Variants in HPD observed in about 807,000 individuals in gnomAD.
The protein encoded by HPD is 4-hydroxyphenylpyruvate dioxygenase.
HPD carries 35 observed loss-of-function variants against 56.9 expected under a neutral mutation model. That is an observed-to-expected ratio of 0.62 (90% CI 0.47 to 0.82). The LOEUF is 0.82. HPD is among the 40% of genes least tolerant of loss of function. The pLI is 0.00. For synonymous variants in HPD, 186 were observed against 200.2 expected, an observed-to-expected ratio of 0.93 and a Z score of 0.60; for missense variants, 442 against 506.8, an observed-to-expected ratio of 0.87 and a Z score of 1.23.
chr12:121,880,680 C>G, the HPD span, among the ~76,000 whole-genome samples: 3 of 152,128 alleles, frequency 2.0e-5, no homozygotes, highest in Non-Finnish European at 4.4e-5. Flanking sequence ...TTTGTAGAGA[C>G]AGAGTCTTGT....
the HPD span, among the ~76,000 whole-genome samples, chr12:121,882,126 A>C: frequency 8.6e-5 from 13 of 151,964 alleles, no homozygotes; most frequent in African/African-American, 3.1e-4. Flanking sequence ...TTAGGGGGCC[A>C]ACTCATGAGC....
rs765840049 is a variant in HPD, at chr12:121,846,896, T to C, written c.797A>G (p.His266Arg). The C allele has an allele frequency of 2.5e-6, 4 of 1,614,038 alleles. No homozygotes were observed. The African/African-American group carries it at 5.3e-5, about 22-fold the overall frequency. ...VDYNGGAGVQHIALKTEDIIT... is the reference protein window; with the variant it reads ...VDYNGGAGVQRIALKTEDIIT... ...GATGTCTTCGGTCTTGAGAGCGATG[T>C]GCTGGACCCCAGCGCCCCCGTTATA... The change falls in exon 11 of 14, where the codon CAC (histidine) becomes CGC (arginine). Residue 266 changes from histidine to arginine, a missense_variant. Transcript: ENST00000289004.
Position 121,856,378 on chromosome 12 carries a change from A to G in HPD, c.270T>C (p.Gly90=). 1 of 1,614,028 alleles carries G rather than the reference A, an allele frequency of 6.2e-7. No individual in the cohort carries two copies. Among genetic ancestry groups the G allele is most frequent in the Non-Finnish European group, 8.5e-7 (1 of 1,179,986 alleles). The part of the protein sequence containing the change: ...KEMGDHLVKH[G]DGVKDIAFEV... ...CGAACGCAATGTCCTTCACTCCGTC[A>G]CCGTGTTTCACCAGGTGATCGCCCA... Residue 90 remains glycine, a synonymous_variant, in exon 6 of 14, where the codon GGT becomes GGC. Transcript: ENST00000289004.
At chr12:121,869,669 C>T in the HPD span, among the ~76,000 whole-genome samples, 151 of 151,024 alleles carry the variant, frequency 1.0e-3, no homozygotes, top group African/African-American at 3.0e-3. Flanking sequence ...GGATTAAAGG[C>T]GCCCACCACC....
the HPD span, among the ~76,000 whole-genome samples, chr12:121,879,948 G>A: frequency 1.3e-5 from 2 of 152,008 alleles, no homozygotes; most frequent in African/African-American, 2.4e-5. Flanking sequence ...CCAGGAATTC[G>A]AGACCAGCTT....
At chr12:121,888,588 CCTAGCG>C in the HPD span, 1 of 485,846 alleles carries the variant, frequency 2.1e-6, no homozygotes, top group Non-Finnish European at 3.8e-6. Flanking sequence ...GAGATCATCC[CCTAGCG>C]TTGGTGTGCA....
chr12:121,839,988 G>T lies in HPD; in HGVS notation c.1015C>A (p.Pro339Thr). 6.2e-7 allele frequency: 1 copy of T among 1,613,998 alleles called. No homozygotes were observed. Among genetic ancestry groups the T allele is most frequent in the Non-Finnish European group, 8.5e-7 (1 of 1,179,972 alleles). The change falls in exon 13 of 14, where the codon CCG (proline) becomes ACG (threonine). Residue 339 changes from proline to threonine, a missense_variant. Physicochemically the swap from Pro to Thr is conservative, Grantham distance 38. Transcript: ENST00000289004. ...AAGAGCGTGGGCCGGTCCTGCACCG[G>T]TTTGGTGAAGATCTGCAGGAGGTAG... is the stretch of plus-strand genomic sequence containing the variant. ...KGYLLQIFTK[P>T]VQDRPTLFLE... is the part of the protein sequence containing the mutation.
chr12:121,863,664 C>A (rs1315751447), upstream of HPD: 1 of 152,104 alleles, frequency 6.6e-6, no homozygotes, highest in African/African-American at 2.4e-5. Context: ...CCTGTAATCC[C>A]AGCACTTTAA....
At chr12:121,846,788 G>A (rs981725516) in intron 11 of HPD, 74 bp downstream of exon 11, 179 of 1,411,802 alleles carry the variant, frequency 1.3e-4, no homozygotes, top group African/African-American at 1.1e-3. Context: ...GCCGCCACCC[G>A]CCCTCTCAAT....
At chr12:121,872,237 CA>C in the HPD span, among the ~76,000 whole-genome samples, 58,980 of 124,704 alleles carry the variant, frequency 0.47, 13,727 homozygotes, top group African/African-American at 0.55. Flanking sequence ...AGACTCCTCT[CA>C]AAAAAAAAAA....
intron 12 of HPD, among the ~76,000 whole-genome samples, chr12:121,840,772 A>T (rs1877380456): frequency 2.0e-5 from 3 of 151,490 alleles, no homozygotes; most frequent in Admixed American, 2.0e-4. Flanking sequence ...TAAAATACGG[A>T]TTAAAAAAAA....
Position 121,839,709 on chromosome 12 carries a change from T to A in HPD, c.*19A>T. The A allele has an allele frequency of 6.4e-7, 1 of 1,562,310 alleles. No individual in the cohort carries two copies. The highest frequency in any genetic ancestry group is 8.8e-7 in the Non-Finnish European group (1 of 1,132,966). On this transcript the variant is annotated 3_prime_UTR_variant, in exon 14 of 14. Transcript: ENST00000289004. ...GGGGCGTGGCTGTGTGGCTGTGGCC[T>A]CCGTGGGGTGGGCGGGGCTTACATG... is the stretch of plus-strand genomic sequence containing the variant.
rs988084709 is a variant in HPD at position 121,849,040 on chromosome 12, C to T, written c.555G>A (p.Val185=). The part of the protein sequence containing the change: ...KCSLEMIDHI[V]GNQPDQEMVS... ...CCATCTCCTGATCAGGCTGGTTTCC[C>T]ACAATGTGGTCGATCATCTCCAGAC... Residue 185 remains valine (V), a synonymous_variant, in exon 9 of 14, where the codon GTG becomes GTA. Transcript: ENST00000289004. 1 of 1,613,928 alleles carries T rather than the reference C, an allele frequency of 6.2e-7. No homozygotes were observed. Among genetic ancestry groups the T allele is most frequent in the Non-Finnish European group, 8.5e-7 (1 of 1,179,956 alleles).
At chr12:121,844,246 T>C (rs967837707) in intron 11 of HPD, among the ~76,000 whole-genome samples, 2 of 151,982 alleles carry the variant, frequency 1.3e-5, no homozygotes, top group East Asian at 2.0e-4. Context: ...GGTTTCACCA[T>C]GTTAGCCAGG....
At chr12:121,841,030 CTAAAAA>C (rs71079101) in intron 12 of HPD, among the ~76,000 whole-genome samples, 29,881 of 151,114 alleles carry the variant, frequency 0.2, 3,127 homozygotes, top group African/African-American at 0.26. Flanking sequence ...CCCATCTCTA[CTAAAAA>C]TAAAAATAAA....
In HPD at chr12:121,839,787, GCTC is replaced by G. The variant is rs1877344320; in HGVS notation, c.1120_1122del (p.Glu374del). On this transcript the variant is annotated inframe_deletion, in exon 14 of 14. Coordinates refer to ENST00000289004, the MANE Select transcript of HPD (RefSeq NM_002150.3). ...TTGGTGAGGTTACCCCGCAGGTTCT[GCTC>G]CTCCTCGAAAGCCTTGAACAGTGAG... The G allele has an allele frequency of 6.2e-7, 1 of 1,614,102 alleles. No homozygotes were observed. Among genetic ancestry groups the G allele is most frequent in the Admixed American group, 1.7e-5 (1 of 60,008 alleles).
chr12:121,872,577 G>A, the HPD span, among the ~76,000 whole-genome samples: 215 of 151,950 alleles, frequency 1.4e-3, no homozygotes, highest in Non-Finnish European at 2.6e-3. Flanking sequence ...TCATAACAGC[G>A]TCTCCCTTCT....
rs1452129971 is a variant in HPD at position 121,847,223 on chromosome 12, T to C, written c.597-9A>G. On this transcript the variant is annotated splice_polypyrimidine_tract_variant and intron_variant, in intron 9 of 13. Transcript: ENST00000289004. ...GCAGGTTTTTCAGGTACCTGTAGGG[T>C]GGGCGGTGGAACACATATGCTCTGA... The C allele has an allele frequency of 6.2e-7, 1 of 1,613,884 alleles. No homozygotes were observed. Among genetic ancestry groups the C allele is most frequent in the African/African-American group, 1.3e-5 (1 of 74,890 alleles).
the HPD span, chr12:121,874,149 C>A: frequency 6.6e-6 from 1 of 152,122 alleles, no homozygotes; most frequent in African/African-American, 2.4e-5. Flanking sequence ...AAGCACTGTG[C>A]CCATTTTATC....
Sources: allele counts gnomAD v4.1 joint callset (sites outside exome capture counted in the v4.1 genomes callset), GRCh38; gene constraint gnomAD v4.1.1; transcripts MANE v1.5; gene names NCBI Gene and HGNC (gene_info 2026-07-23, HGNC 2026-07-21).